DIP2C: variants seen among roughly 807,000 people sequenced by gnomAD.
The protein encoded by DIP2C is DIP2 acetate--CoA ligase C (putative), also known as disco-interacting protein 2 homolog C.
In DIP2C, 33 loss-of-function variants were observed where a neutral mutation model predicts 192.4. That is an observed-to-expected ratio of 0.17 (90% CI 0.13 to 0.23). DIP2C has a LOEUF of 0.23. Among genes scored for constraint, DIP2C ranks in the 10% least tolerant of loss-of-function variants. The pLI is 1.00. For missense variants in DIP2C, 1,537 were observed against 2,110.1 expected, an observed-to-expected ratio of 0.73 and a Z score of 5.32; for synonymous variants, 979 against 864.1, an observed-to-expected ratio of 1.13 and a Z score of -2.33.
intron 12 of DIP2C, 62 bp downstream of exon 12, chr10:390,202 G>A: frequency 6.3e-7 from 1 of 1,596,860 alleles, no homozygotes; most frequent in African/African-American, 1.3e-5. Context: ...GTAACCGTCA[G>A]AAACACACGT....
chr10:332,572 A>G (rs1957551133), intron 29 of DIP2C, among the ~76,000 whole-genome samples: 1 of 152,342 alleles, frequency 6.6e-6, no homozygotes, highest in African/African-American at 2.4e-5. Flanking sequence ...TCTGCTATGG[A>G]CAAGACAAAC....
At chr10:310,581 CTGGGGCTCTGG>C (rs1242802795) in intron 31 of DIP2C, among the ~76,000 whole-genome samples, 1 of 152,196 alleles carries the variant, frequency 6.6e-6, no homozygotes, top group African/African-American at 2.4e-5. Flanking sequence ...CCGGGCTCTG[CTGGGGCTCTGG>C]CTCTCTGGCC....
At chr10:557,850 G>T (rs181233410) in intron 1 of DIP2C, among the ~76,000 whole-genome samples, 892 of 63,910 alleles carry the variant, frequency 0.014, 2 homozygotes, top group African/African-American at 0.03. Context: ...AGGCAGGAAG[G>T]GGGAGGGGGC....
intron 3 of DIP2C, among the ~76,000 whole-genome samples, chr10:463,744 T>C (rs762001192): frequency 2.0e-5 from 3 of 152,060 alleles, no homozygotes; most frequent in African/African-American, 7.2e-5. Context: ...CTTCAAACTA[T>C]AGACAAGGCT....
chr10:358,890 A>G (rs1959190828), intron 22 of DIP2C, among the ~76,000 whole-genome samples: 1 of 151,478 alleles, frequency 6.6e-6, no homozygotes, highest in African/African-American at 2.4e-5. Flanking sequence ...AATGTTTACC[A>G]AAAGAATTGC....
chr10:553,062 T>TGG, intron 1 of DIP2C, among the ~76,000 whole-genome samples: 1 of 152,350 alleles, frequency 6.6e-6, no homozygotes, highest in African/African-American at 2.4e-5. Context: ...CACACAGACC[T>TGG]GGGATCCATG....
At chr10:618,651 A>T (rs1853632790) in intron 1 of DIP2C, among the ~76,000 whole-genome samples, 1 of 152,368 alleles carries the variant, frequency 6.6e-6, no homozygotes, top group African/African-American at 2.4e-5. Context: ...CTTTTATGCA[A>T]CAAAGTTAAA....
intron 1 of DIP2C, among the ~76,000 whole-genome samples, chr10:590,488 T>C (rs759938208): frequency 2.6e-5 from 4 of 152,238 alleles, no homozygotes; most frequent in Admixed American, 6.5e-5. Context: ...CTTGCTGGTA[T>C]CTTACGGCAT....
intron 1 of DIP2C, among the ~76,000 whole-genome samples, chr10:627,105 G>C (rs1049331787): frequency 6.6e-6 from 1 of 152,236 alleles, no homozygotes; most frequent in Admixed American, 6.5e-5. Flanking sequence ...TCCGCGTGGG[G>C]CTCAGAGATG....
intron 8 of DIP2C, among the ~76,000 whole-genome samples, chr10:410,214 TCTTTGATTGTTCTGGTTC>T (rs1965096401): frequency 6.6e-6 from 1 of 152,246 alleles, no homozygotes; most frequent in Non-Finnish European, 1.5e-5. Context: ...AGAATGATTA[TCTTTGATTGTTCTGGTTC>T]CTAGGACACT....
intron 1 of DIP2C, among the ~76,000 whole-genome samples, chr10:637,680 A>G (rs1370807998): frequency 5.3e-5 from 8 of 152,344 alleles, no homozygotes; most frequent in African/African-American, 1.7e-4. Flanking sequence ...CAAACATTAC[A>G]AAAGCCCATC....
At chr10:597,433 C>A (rs953887984) in intron 1 of DIP2C, among the ~76,000 whole-genome samples, 3 of 145,954 alleles carry the variant, frequency 2.1e-5, no homozygotes, top group African/African-American at 4.8e-5. Context: ...TTCCTTCTAG[C>A]CCCAATATCC....
At position 417,746 on chromosome 10, in the gene DIP2C, T is replaced by G. The variant is rs12761340; in HGVS notation, c.739+1319A>C. Reference sequence around the variant, plus strand: ...CCTGTCTGCCTGCGCCTGTCAGGGCTCGGATAGGCATCCCTGTCCACCTGC... The same window carrying G: ...CCTGTCTGCCTGCGCCTGTCAGGGCGCGGATAGGCATCCCTGTCCACCTGC... On this transcript the variant is annotated intron_variant, in intron 6 of 36. Coordinates refer to ENST00000280886, the MANE Select transcript of DIP2C (RefSeq NM_014974.3). Among the ~76,000 whole-genome samples the G allele has an allele frequency of 2.9e-3, 366 of 126,072 alleles. 22 individuals are homozygous for G. The highest frequency in any genetic ancestry group is 7.5e-3 in the African/African-American group (221 of 29,462). 82.7% of individuals were successfully genotyped at this position (126,072 alleles called of 152,430 possible).
rs144773393 is a variant in DIP2C, at chr10:428,148, T to A, written c.395-5115A>T. Among the ~76,000 whole-genome samples, 28 of 152,230 alleles carry A rather than the reference T, an allele frequency of 1.8e-4. No individual in the cohort carries two copies. The East Asian group carries it at 5.4e-3, about 29-fold the overall frequency. On this transcript the variant is annotated intron_variant, in intron 4 of 36. Coordinates refer to ENST00000280886, the MANE Select transcript of DIP2C (RefSeq NM_014974.3). ...TGAAGGTGTAGAGAAGCGTGGACAT[T>A]TTATGATTTTATATCATAAAATTCT... is the stretch of plus-strand genomic sequence containing the variant.
At chr10:403,673 G>A (rs1460741579) in intron 9 of DIP2C, among the ~76,000 whole-genome samples, 2 of 145,526 alleles carry the variant, frequency 1.4e-5, no homozygotes, top group Non-Finnish European at 1.5e-5. Context: ...ATCAGCACAT[G>A]AATCCTGTGA....
chr10:501,803 T>C (rs890335816), intron 1 of DIP2C, among the ~76,000 whole-genome samples: 3 of 152,144 alleles, frequency 2.0e-5, no homozygotes, highest in Non-Finnish European at 4.4e-5. Context: ...GTGCCAGGTA[T>C]TTGGCAATAT....
chr10:458,140 C>T (rs1969457193), intron 3 of DIP2C, among the ~76,000 whole-genome samples: 1 of 152,242 alleles, frequency 6.6e-6, no homozygotes, highest in Non-Finnish European at 1.5e-5. Flanking sequence ...TCCCACCAGA[C>T]AGAGCCTGTC....
At chr10:530,985 G>A (rs563719166) in intron 1 of DIP2C, among the ~76,000 whole-genome samples, 2 of 152,298 alleles carry the variant, frequency 1.3e-5, no homozygotes, top group African/African-American at 4.8e-5. Flanking sequence ...GACCCTGCAG[G>A]CAGCCCCGAC....
At chr10:632,379 C>T (rs922393948) in intron 1 of DIP2C, among the ~76,000 whole-genome samples, 4 of 151,092 alleles carry the variant, frequency 2.6e-5, no homozygotes, top group African/African-American at 4.9e-5. Context: ...GGAGACCATG[C>T]GGGCACCGGT....
Sources: allele counts gnomAD v4.1 joint callset (sites outside exome capture counted in the v4.1 genomes callset), GRCh38; gene constraint gnomAD v4.1.1; transcripts MANE v1.5; gene names NCBI Gene and HGNC (gene_info 2026-07-23, HGNC 2026-07-21).